The following IFT57 variants were observed in gnomAD, a reference collection of about 807,000 sequenced individuals.
IFT57 encodes the protein intraflagellar transport 57.
IFT57 carries 59 observed loss-of-function variants against 56.8 expected under a neutral mutation model. The ratio of observed to expected loss-of-function variants is 1.04; its 90% CI spans 0.84 to 1.29. The LOEUF (loss-of-function observed/expected upper bound fraction) is 1.29, where lower values mean the gene tolerates loss of function less well. Ranked by LOEUF, IFT57 falls within the 50% of genes most tolerant of loss-of-function variation. The pLI, the probability that IFT57 is intolerant of heterozygous loss-of-function variation, is 0.00. For missense variants in IFT57, 470 were observed against 522.1 expected (o/e 0.90, Z 0.97); for synonymous variants, 209 against 186.1 (o/e 1.12, Z -1.00).
intron 1 of IFT57, among the ~76,000 whole-genome samples, chr3:108,221,763 GT>G (rs1000588837): frequency 9.7e-5 from 13 of 133,968 alleles, no homozygotes; most frequent in African/African-American, 3.6e-4. Context: ...ATTTACTTGT[GT>G]TTTTCTGAGT....
At chr3:108,163,135 C>A (rs1040577849) in intron 10 of IFT57, among the ~76,000 whole-genome samples, 2 of 151,974 alleles carry the variant, frequency 1.3e-5, no homozygotes, top group African/African-American at 4.8e-5. Flanking sequence ...CATAGAAAAG[C>A]CTTCGGCAAT....
intron 9 of IFT57, among the ~76,000 whole-genome samples, chr3:108,164,683 C>T (rs13325340): frequency 6.6e-6 from 1 of 152,128 alleles, no homozygotes; most frequent in South Asian, 2.1e-4. Flanking sequence ...CACAGGATTA[C>T]AGTCTAAATA....
chr3:108,217,461 G>A (rs2107222360), intron 3 of IFT57, among the ~76,000 whole-genome samples: 1 of 152,062 alleles, frequency 6.6e-6, no homozygotes, highest in Non-Finnish European at 1.5e-5. Context: ...TATGGACCAT[G>A]TAGCCATTCT....
At chr3:108,175,769 T>A (rs1383109749) in intron 6 of IFT57, among the ~76,000 whole-genome samples, 1 of 151,460 alleles carries the variant, frequency 6.6e-6, no homozygotes, top group African/African-American at 2.4e-5. Flanking sequence ...TCGGTTTCAT[T>A]AGTTTACAAC....
intron 6 of IFT57, among the ~76,000 whole-genome samples, chr3:108,184,322 A>T (rs1487694134): frequency 6.6e-6 from 1 of 152,178 alleles, no homozygotes; most frequent in Non-Finnish European, 1.5e-5. Flanking sequence ...TTTCAACTCC[A>T]TGGGTCCACT....
At chr3:108,202,771 T>A (rs919648512) in intron 5 of IFT57, among the ~76,000 whole-genome samples, 1 of 152,194 alleles carries the variant, frequency 6.6e-6, no homozygotes, top group Non-Finnish European at 1.5e-5. Flanking sequence ...ACAGAATGAC[T>A]TTAAATATAT....
chr3:108,191,083 G>A (rs549669171), intron 6 of IFT57, among the ~76,000 whole-genome samples: 2 of 152,218 alleles, frequency 1.3e-5, no homozygotes, highest in East Asian at 1.9e-4. Flanking sequence ...GAGCCATGGC[G>A]CCTGGCCAGC....
rs1304549815 is a variant in IFT57, at chr3:108,161,897, T to C, written c.*580A>G. The C allele has an allele frequency of 1.3e-5, 2 of 152,192 alleles. No homozygotes were observed. Among genetic ancestry groups the C allele is most frequent in the South Asian group, 2.1e-4 (1 of 4,828 alleles). The allele number at this position is 152,192 out of a possible 1,614,324, so 9.4% of individuals were successfully genotyped here. A position where few individuals can be genotyped will look rare whatever the true frequency, so the allele number is the denominator to read the frequency against. On this transcript the variant is annotated 3_prime_UTR_variant, in exon 11 of 11. Transcript: ENST00000264538. ...ATTTAGTGGCTTAGATCCTAGAAGA[T>C]AGATTCCCTATAAAATCATTTTAGC...
chr3:108,205,834 TATTTAATTA>T (rs1430843447), intron 5 of IFT57, among the ~76,000 whole-genome samples: 1 of 120,798 alleles, frequency 8.3e-6, no homozygotes, highest in Non-Finnish European at 1.8e-5. Context: ...ATTTATATAT[TATTTAATTA>T]ATTTAACATA....
intron 5 of IFT57, among the ~76,000 whole-genome samples, chr3:108,203,185 A>T (rs1457924183): frequency 1.3e-5 from 2 of 152,194 alleles, no homozygotes; most frequent in African/African-American, 4.8e-5. Context: ...AGCAGGCAAC[A>T]CTTGACTCTA....
intron 6 of IFT57, among the ~76,000 whole-genome samples, chr3:108,168,706 C>T (rs571263609): frequency 6.6e-6 from 1 of 152,136 alleles, no homozygotes; most frequent in East Asian, 1.9e-4. Context: ...CATGTGTTCT[C>T]ATTGTTCAAC....
intron 4 of IFT57, among the ~76,000 whole-genome samples, chr3:108,209,147 T>C (rs1465940356): frequency 6.6e-6 from 1 of 151,780 alleles, no homozygotes; most frequent in African/African-American, 2.4e-5. Context: ...GTGATTGTTA[T>C]GAATATTTCC....
intron 4 of IFT57, among the ~76,000 whole-genome samples, chr3:108,208,784 A>T (rs2080327706): frequency 6.6e-6 from 1 of 152,206 alleles, no homozygotes. Flanking sequence ...CTGAATCAAC[A>T]TGGCAAAGAA....
intron 6 of IFT57, among the ~76,000 whole-genome samples, chr3:108,188,390 T>C (rs1314048050): frequency 2.0e-5 from 3 of 152,136 alleles, no homozygotes; most frequent in East Asian, 3.8e-4. Flanking sequence ...TATTTCCCAA[T>C]TGCCATATCT....
At chr3:108,217,396 C>T (rs1027090528) in intron 3 of IFT57, among the ~76,000 whole-genome samples, 2 of 151,958 alleles carry the variant, frequency 1.3e-5, no homozygotes, top group African/African-American at 4.8e-5. Context: ...TTTTAAAATG[C>T]TAAATACAGC....
intron 6 of IFT57, among the ~76,000 whole-genome samples, chr3:108,178,418 C>G (rs530906579): frequency 1.3e-5 from 2 of 151,392 alleles, no homozygotes; most frequent in Non-Finnish European, 3.0e-5. Context: ...CTTGCTCCCC[C>G]CAAAAAAAAT....
At position 108,206,624 on chromosome 3, in the gene IFT57, T is replaced by C; in HGVS notation, c.654+4A>G. 7.5e-7 allele frequency: 1 copy of C among 1,335,326 alleles called. No homozygotes were observed. Among genetic ancestry groups the C allele is most frequent in the Non-Finnish European group, 9.9e-7 (1 of 1,005,122 alleles). The allele number at this position is 1,335,326 out of a possible 1,614,324, so 82.7% of individuals were successfully genotyped here. ...TGGTCCTGCATGTATCTGATGAAAC[T>C]TACCAAGTGATATGTCTGGGCCTTT... On this transcript the variant is annotated splice_donor_region_variant and intron_variant, in intron 5 of 10. Transcript: ENST00000264538.
chr3:108,162,794 A>C (rs2080041044), intron 10 of IFT57, 139 bp from the exon 11 acceptor site: 4 of 631,114 alleles, frequency 6.3e-6, no homozygotes, highest in Non-Finnish European at 1.0e-5. Context: ...TGACATTCAC[A>C]CAGTTTTGCT....
At chr3:108,175,629 T>C (rs563204913) in intron 6 of IFT57, among the ~76,000 whole-genome samples, 49 of 151,934 alleles carry the variant, frequency 3.2e-4, no homozygotes, top group Admixed American at 2.0e-4. Flanking sequence ...TTCCTTTGTG[T>C]ATGAAGAGGC....
Sources: gnomAD v4.1 joint callset for allele counts (sites outside exome capture counted in the v4.1 genomes callset) on GRCh38, gnomAD v4.1.1 for gene constraint, MANE v1.5 for transcripts, NCBI Gene and HGNC (gene_info 2026-07-23, HGNC 2026-07-21) for gene names.